Variants in NELL1 observed in about 807,000 individuals in gnomAD.
The protein encoded by NELL1 is neural EGFL like 1.
Under a neutral mutation model 107.4 loss-of-function variants are expected in NELL1, and 76 were observed. That is an observed-to-expected ratio of 0.71 (90% CI 0.59 to 0.86). NELL1 has a LOEUF of 0.86. NELL1 is among the 40% of genes least tolerant of loss of function. NELL1 has a pLI of 0.00. For synonymous variants in NELL1, 353 were observed against 341.2 expected, an observed-to-expected ratio of 1.03 and a Z score of -0.38; for missense variants, 1,024 against 1,005.5, an observed-to-expected ratio of 1.02 and a Z score of -0.25.
chr11:20,761,587 A>G (rs1856421970), intron 2 of NELL1, among the ~76,000 whole-genome samples: 2 of 152,188 alleles, frequency 1.3e-5, no homozygotes, highest in South Asian at 2.1e-4. Context: ...CAAACCCACA[A>G]CTTGGGAAGT....
intron 12 of NELL1, among the ~76,000 whole-genome samples, chr11:21,064,728 T>A (rs1853827727): frequency 6.6e-6 from 1 of 152,144 alleles, no homozygotes; most frequent in South Asian, 2.1e-4. Context: ...CTTGTAGGTA[T>A]TAAGTGCTCT....
At chr11:21,335,170 A>G (rs1376783921) in intron 14 of NELL1, among the ~76,000 whole-genome samples, 1 of 152,082 alleles carries the variant, frequency 6.6e-6, no homozygotes, top group African/African-American at 2.4e-5. Flanking sequence ...AGCATTTTAA[A>G]TGCCTGAATC....
intron 2 of NELL1, among the ~76,000 whole-genome samples, chr11:20,714,360 C>T (rs372932250): frequency 0.095 from 5,349 of 56,388 alleles, 337 homozygotes; most frequent in African/African-American, 0.21. Flanking sequence ...CACGCCACCA[C>T]GCCCGGCATT....
chr11:21,198,822 G>A (rs1857207353), intron 13 of NELL1, among the ~76,000 whole-genome samples: 2 of 152,044 alleles, frequency 1.3e-5, no homozygotes, highest in South Asian at 4.2e-4. Context: ...CTTTCATGAA[G>A]GGTCACTTCC....
rs1851348501 is a variant in NELL1 at position 21,371,002 on chromosome 11, T to G, written c.1645+54T>G. ...GGACAAAGATTGGTAGAAAGATTGA[T>G]TCAGAAAGAATAACAGCTCTTTCTT... On this transcript the variant is annotated intron_variant, in intron 15 of 19. Coordinates refer to ENST00000357134, the MANE Select transcript of NELL1 (RefSeq NM_006157.5). 5 of 1,305,482 alleles carry G rather than the reference T, an allele frequency of 3.8e-6. No homozygotes were observed. The Admixed American group carries it at 7.6e-5, about 20-fold the overall frequency. 80.9% of individuals were successfully genotyped at this position (1,305,482 alleles called of 1,614,324 possible).
intron 12 of NELL1, among the ~76,000 whole-genome samples, chr11:20,993,588 A>G (rs537378430): frequency 1.3e-5 from 2 of 152,282 alleles, no homozygotes; most frequent in South Asian, 4.2e-4. Context: ...ACCAAAGTCC[A>G]CGGATGTTCA....
chr11:21,013,091 C>T (rs374114081), intron 12 of NELL1, among the ~76,000 whole-genome samples: 29 of 152,194 alleles, frequency 1.9e-4, no homozygotes, highest in African/African-American at 6.7e-4. Context: ...AAATTTCTGC[C>T]CAAGTTACTT....
At chr11:21,487,708 T>A (rs1854674184) in intron 15 of NELL1, among the ~76,000 whole-genome samples, 1 of 152,160 alleles carries the variant, frequency 6.6e-6, no homozygotes, top group African/African-American at 2.4e-5. Flanking sequence ...ATGGATTAAA[T>A]TCTGCACTTA....
At chr11:21,396,830 CAG>C (rs1287215642) in intron 15 of NELL1, among the ~76,000 whole-genome samples, 1 of 151,142 alleles carries the variant, frequency 6.6e-6, no homozygotes, top group Non-Finnish European at 1.5e-5. Flanking sequence ...ACATTCCAGA[CAG>C]AGAGAATGCC....
intron 10 of NELL1, among the ~76,000 whole-genome samples, chr11:20,938,973 T>G (rs1850790679): frequency 6.6e-6 from 1 of 151,914 alleles, no homozygotes; most frequent in African/African-American, 2.4e-5. Context: ...TGCATGCACG[T>G]GTGTATGTCA....
chr11:21,423,455 CAAT>C (rs1282159004), intron 15 of NELL1, among the ~76,000 whole-genome samples: 1 of 151,654 alleles, frequency 6.6e-6, no homozygotes, highest in African/African-American at 2.4e-5. Context: ...AACATTTAAA[CAAT>C]AATAAAAAAC....
intron 13 of NELL1, among the ~76,000 whole-genome samples, chr11:21,125,445 A>T (rs1208088146): frequency 6.7e-6 from 1 of 149,180 alleles, no homozygotes; most frequent in Non-Finnish European, 1.5e-5. Flanking sequence ...TCAGCTTCTT[A>T]AAAAAAAAGG....
chr11:20,916,821 A>T (rs916891516), intron 5 of NELL1, among the ~76,000 whole-genome samples: 14 of 152,032 alleles, frequency 9.2e-5, no homozygotes, highest in Middle Eastern at 3.4e-3. Flanking sequence ...GGCCTGTTTC[A>T]TTGACCTAGA....
chr11:21,483,517 TG>T (rs1181035038), intron 15 of NELL1, among the ~76,000 whole-genome samples: 1 of 152,110 alleles, frequency 6.6e-6, no homozygotes. Context: ...TCAAGAATGA[TG>T]TTATCTGCAG....
At chr11:20,813,086 A>G (rs1857539894) in intron 3 of NELL1, among the ~76,000 whole-genome samples, 3 of 147,862 alleles carry the variant, frequency 2.0e-5, no homozygotes, top group African/African-American at 7.4e-5. Context: ...GCTGAAAGCT[A>G]AATTGATTCC....
At chr11:21,218,652 C>A in intron 13 of NELL1, among the ~76,000 whole-genome samples, 1 of 152,020 alleles carries the variant, frequency 6.6e-6, no homozygotes, top group East Asian at 1.9e-4. Context: ...TATCTACTAT[C>A]TTTTCCAGCT....
intron 13 of NELL1, among the ~76,000 whole-genome samples, chr11:21,222,063 A>G (rs1018261733): frequency 6.6e-6 from 1 of 151,754 alleles, no homozygotes; most frequent in East Asian, 1.9e-4. Flanking sequence ...TCTTGATTTT[A>G]TTTACCTAGG....
intron 12 of NELL1, among the ~76,000 whole-genome samples, chr11:20,986,631 A>T (rs1451651394): frequency 6.6e-6 from 1 of 152,138 alleles, no homozygotes; most frequent in African/African-American, 2.4e-5. Context: ...GGCATTTCTA[A>T]CAAGTTCCCA....
chr11:20,944,901 A>G lies in NELL1; in HGVS notation c.1072-2435A>G, dbSNP rs533751962. On this transcript the variant is annotated intron_variant, in intron 10 of 19. Coordinates refer to ENST00000357134, the MANE Select transcript of NELL1 (RefSeq NM_006157.5). ...CGAAGCAAACCCTTTTTATAAAAATAGAAGATTTGTGAATGATTATTTTTA... is the reference window on the plus strand; with the variant it reads ...CGAAGCAAACCCTTTTTATAAAAATGGAAGATTTGTGAATGATTATTTTTA... 1.2e-4 allele frequency among the ~76,000 whole-genome samples: 18 copies of G among 152,376 alleles called. No homozygotes were observed. The South Asian group carries it at 3.1e-3, about 26-fold the overall frequency.
Sources: allele counts gnomAD v4.1 joint callset (sites outside exome capture counted in the v4.1 genomes callset), GRCh38; gene constraint gnomAD v4.1.1; transcripts MANE v1.5; gene names NCBI Gene and HGNC (gene_info 2026-07-23, HGNC 2026-07-21).